FAM193A: variants seen among roughly 807,000 people sequenced by gnomAD.
The protein encoded by FAM193A is protein FAM193A.
A neutral mutation model predicts 126.5 loss-of-function variants in FAM193A; 22 were observed. The observed-to-expected ratio is 0.17, with a 90% CI of 0.12 to 0.25. FAM193A has a LOEUF of 0.25. Among genes scored for constraint, FAM193A ranks in the 10% least tolerant of loss-of-function variants. The probability of loss-of-function intolerance (pLI) is 1.00; values close to 1 mark genes in which losing one functional copy is unlikely to be tolerated. For missense variants in FAM193A, 1,675 were observed against 1,672.8 expected (o/e 1.00, Z -0.02); for synonymous variants, 761 against 646.8 (o/e 1.18, Z -2.68).
At position 2,630,842 on chromosome 4, in the gene FAM193A, A is replaced by C. The variant is rs1011526070; in HGVS notation, c.804-93A>C. The stretch of plus-strand genomic sequence containing the variant: ...ACTGTGTGGTCATCTAGAGGTGGCC[A>C]CCTGTGGAAGGGCTTCAGAAAAGAT... On this transcript the variant is annotated intron_variant, in intron 4 of 20. Transcript: ENST00000637812. 39 of 690,022 alleles carry C rather than the reference A, an allele frequency of 5.7e-5. No individual in the cohort carries two copies. In the African/African-American group the frequency reaches 6.2e-4, roughly 11 times the overall value. The allele number at this position is 690,022 out of a possible 1,614,324, so 42.7% of individuals were successfully genotyped here. A position where few individuals can be genotyped will look rare whatever the true frequency, so the allele number is the denominator to read the frequency against.
chr4:2,714,390 T>G (rs1338821833), intron 19 of FAM193A, among the ~76,000 whole-genome samples: 1 of 152,146 alleles, frequency 6.6e-6, no homozygotes, highest in African/African-American at 2.4e-5. Context: ...TGTGCCAGGA[T>G]TGAGCTATTG....
rs1390452254 is a variant in FAM193A, at chr4:2,566,182, G to A, written c.255+29012G>A. Among the ~76,000 whole-genome samples, 5 of 151,928 alleles carry A rather than the reference G, an allele frequency of 3.3e-5. No individual in the cohort carries two copies. The South Asian group carries it at 1.0e-3, about 32-fold the overall frequency. ...GCTGCCTCAACCTGACGAGTAGCTG[G>A]GACTACAGGCGCCCGCCACCTCGCC... On this transcript the variant is annotated intron_variant, in intron 1 of 20. Coordinates refer to ENST00000637812, the MANE Select transcript of FAM193A (RefSeq NM_001366318.2).
At chr4:2,668,315 G>A (rs1033573275) in intron 12 of FAM193A, among the ~76,000 whole-genome samples, 5 of 151,368 alleles carry the variant, frequency 3.3e-5, no homozygotes, top group Non-Finnish European at 7.4e-5. Flanking sequence ...CCAGGTTCAA[G>A]TGATTCTCCT....
intron 5 of FAM193A, among the ~76,000 whole-genome samples, chr4:2,638,347 T>C (rs1012005965): frequency 1.3e-5 from 2 of 152,212 alleles, no homozygotes; most frequent in Non-Finnish European, 2.9e-5. Context: ...TTTCACCTGC[T>C]TATTATTACA....
chr4:2,708,468 T>A (rs899485212), intron 19 of FAM193A, among the ~76,000 whole-genome samples: 1 of 152,068 alleles, frequency 6.6e-6, no homozygotes, highest in Non-Finnish European at 1.5e-5. Context: ...TTTTAATTTT[T>A]ATCTATTTTT....
At chr4:2,647,531 G>A (rs1745272005) in intron 7 of FAM193A, among the ~76,000 whole-genome samples, 2 of 152,160 alleles carry the variant, frequency 1.3e-5, no homozygotes, top group Admixed American at 6.5e-5. Flanking sequence ...TAGTCTAGAA[G>A]GGAGTGCAGA....
chr4:2,640,470 C>A (rs748034403), intron 6 of FAM193A, among the ~76,000 whole-genome samples: 1 of 152,112 alleles, frequency 6.6e-6, no homozygotes, highest in Non-Finnish European at 1.5e-5. Context: ...CCCTGTGGTA[C>A]CATGTTCAGT....
intron 20 of FAM193A, among the ~76,000 whole-genome samples, chr4:2,718,485 G>T (rs768666681): frequency 1.3e-5 from 2 of 151,922 alleles, no homozygotes; most frequent in Non-Finnish European, 2.9e-5. Flanking sequence ...CCAGCACTTC[G>T]GGAAGCCAAG....
intron 19 of FAM193A, among the ~76,000 whole-genome samples, chr4:2,704,117 G>C (rs187240400): frequency 4.6e-5 from 7 of 150,716 alleles, no homozygotes; most frequent in Admixed American, 4.0e-4. Flanking sequence ...ACAAAAATCA[G>C]TTGGGCGTGG....
intron 10 of FAM193A, among the ~76,000 whole-genome samples, chr4:2,662,276 T>A (rs1340642876): frequency 6.6e-6 from 1 of 152,234 alleles, no homozygotes; most frequent in Non-Finnish European, 1.5e-5. Flanking sequence ...TTAATTACGA[T>A]CATGAGTGAC....
chr4:2,637,981 A>G (rs1185069409), intron 5 of FAM193A, among the ~76,000 whole-genome samples: 3 of 152,234 alleles, frequency 2.0e-5, no homozygotes, highest in Non-Finnish European at 4.4e-5. Flanking sequence ...AATGCCAAAT[A>G]TCTTCATAAA....
chr4:2,709,276 T>G (rs1718656877), intron 19 of FAM193A, among the ~76,000 whole-genome samples: 1 of 152,184 alleles, frequency 6.6e-6, no homozygotes, highest in Non-Finnish European at 1.5e-5. Flanking sequence ...GTATATCCTT[T>G]TGTTTTGGAA....
Position 2,646,735 on chromosome 4 carries a change from T to C in FAM193A, c.1214T>C (p.Leu405Ser). The change falls in exon 7 of 21, where the codon TTG becomes TCG. Residue 405 changes from leucine (L) to serine (S), a missense_variant. Transcript: ENST00000637812. ...DTCSEDTYST[L>S]LQRYQRSEEE... ...TGCAGTGAGGACACATACAGTACCT[T>C]GCTGCAGAGGTACCAGCGTTCCGAG... 6.2e-7 allele frequency: 1 copy of C among 1,613,992 alleles called. No homozygotes were observed. The highest frequency in any genetic ancestry group is 8.5e-7 in the Non-Finnish European group (1 of 1,179,878).
chr4:2,619,159 T>A (rs1742386650), intron 2 of FAM193A, among the ~76,000 whole-genome samples: 1 of 151,910 alleles, frequency 6.6e-6, no homozygotes, highest in Admixed American at 6.7e-5. Context: ...TTTGGTTTAT[T>A]TATTTATTGA....
intron 1 of FAM193A, among the ~76,000 whole-genome samples, chr4:2,563,879 C>G (rs1020157639): frequency 7.2e-5 from 11 of 152,156 alleles, no homozygotes; most frequent in African/African-American, 2.4e-4. Flanking sequence ...AGAGAAACAT[C>G]ACCTATAAAT....
At chr4:2,725,870 C>T (rs755708319) in intron 20 of FAM193A, among the ~76,000 whole-genome samples, 7 of 151,914 alleles carry the variant, frequency 4.6e-5, no homozygotes, top group Admixed American at 2.6e-4. Context: ...GGCCACCAAT[C>T]TCAGCTAATT....
intron 7 of FAM193A, chr4:2,654,353 C>G (rs942372925): frequency 2.7e-5 from 4 of 150,708 alleles, no homozygotes; most frequent in Non-Finnish European, 2.9e-5. Flanking sequence ...GCTGGGATCA[C>G]AGCGCACACC....
intron 1 of FAM193A, among the ~76,000 whole-genome samples, chr4:2,567,408 C>T (rs1310584099): frequency 6.6e-6 from 1 of 152,228 alleles, no homozygotes; most frequent in East Asian, 1.9e-4. Flanking sequence ...TCAGCAAAGA[C>T]TGCCAGTAAA....
At chr4:2,619,034 G>A (rs575996266) in intron 2 of FAM193A, among the ~76,000 whole-genome samples, 21 of 152,234 alleles carry the variant, frequency 1.4e-4, no homozygotes, top group African/African-American at 4.6e-4. Context: ...GTCTGGGCTG[G>A]ATTATTTTTA....
Sources: allele counts gnomAD v4.1 joint callset (sites outside exome capture counted in the v4.1 genomes callset), GRCh38; gene constraint gnomAD v4.1.1; transcripts MANE v1.5; gene names NCBI Gene and HGNC (gene_info 2026-07-23, HGNC 2026-07-21).